Variants in PDZD2 observed in about 807,000 individuals in gnomAD.
The protein encoded by PDZD2 is PDZ domain-containing protein 2.
PDZD2 carries 90 observed loss-of-function variants against 220.7 expected under a neutral mutation model. The ratio of observed to expected loss-of-function variants is 0.41; its 90% CI spans 0.34 to 0.49. The LOEUF (loss-of-function observed/expected upper bound fraction) is 0.49, where lower values mean the gene tolerates loss of function less well. Among genes scored for constraint, PDZD2 ranks in the 20% least tolerant of loss-of-function variants. The pLI is 0.28. For missense variants in PDZD2, 3,174 were observed against 3,608.5 expected (o/e 0.88, Z 3.08); for synonymous variants, 1,375 against 1,450.5 (o/e 0.95, Z 1.18).
At chr5:31,666,304 G>T (rs1419552441) in intron 1 of PDZD2, among the ~76,000 whole-genome samples, 1 of 152,154 alleles carries the variant, frequency 6.6e-6, no homozygotes, top group African/African-American at 2.4e-5. Context: ...GCATCTTCCA[G>T]TTCCAACAGC....
chr5:31,889,756 C>T (rs1740840542), intron 2 of PDZD2, among the ~76,000 whole-genome samples: 1 of 152,058 alleles, frequency 6.6e-6, no homozygotes, highest in South Asian at 2.1e-4. Flanking sequence ...CAGTGGCTCA[C>T]GCTTGTAATC....
intron 23 of PDZD2, chr5:32,100,360 G>A (rs1029274548): frequency 1.8e-4 from 33 of 183,082 alleles, no homozygotes; most frequent in African/African-American, 5.9e-4. Context: ...CAACTCTGAC[G>A]TCCTTGGCTG....
At chr5:31,692,229 G>C (rs1220976468) in intron 1 of PDZD2, among the ~76,000 whole-genome samples, 1 of 152,200 alleles carries the variant, frequency 6.6e-6, no homozygotes, top group Non-Finnish European at 1.5e-5. Context: ...GCTTCTCACT[G>C]CCCGGGGCCG....
chr5:31,698,641 C>T (rs371923680), intron 1 of PDZD2, among the ~76,000 whole-genome samples: 2 of 151,840 alleles, frequency 1.3e-5, no homozygotes, highest in African/African-American at 2.4e-5. Context: ...GTGGAACCAG[C>T]GCTGAATGTC....
chr5:32,011,725 GC>G (rs1753337179), intron 6 of PDZD2, among the ~76,000 whole-genome samples: 1 of 152,032 alleles, frequency 6.6e-6, no homozygotes, highest in African/African-American at 2.4e-5. Flanking sequence ...TTAGAATAAG[GC>G]CTTAGAAGAT....
chr5:32,039,334 T>A (rs1190552149), intron 7 of PDZD2, among the ~76,000 whole-genome samples: 1 of 151,920 alleles, frequency 6.6e-6, no homozygotes, highest in Non-Finnish European at 1.5e-5. Context: ...CTCCAGCTCC[T>A]GGCCTCAGGT....
intron 2 of PDZD2, among the ~76,000 whole-genome samples, chr5:31,859,978 G>T (rs1737534972): frequency 6.6e-6 from 1 of 152,132 alleles, no homozygotes; most frequent in Non-Finnish European, 1.5e-5. Context: ...TCTGCTGTAG[G>T]ATTAGCTCAT....
At chr5:32,019,422 G>A (rs1245223410) in intron 6 of PDZD2, among the ~76,000 whole-genome samples, 1 of 152,206 alleles carries the variant, frequency 6.6e-6, no homozygotes, top group Non-Finnish European at 1.5e-5. Flanking sequence ...GGGATTGCAG[G>A]CGTGAGCCAC....
intron 2 of PDZD2, among the ~76,000 whole-genome samples, chr5:31,890,049 C>T (rs987685175): frequency 6.7e-6 from 1 of 150,212 alleles, no homozygotes; most frequent in Admixed American, 6.7e-5. Flanking sequence ...ACAAACACCC[C>T]CCCACCCCCA....
intron 2 of PDZD2, among the ~76,000 whole-genome samples, chr5:31,948,081 C>T (rs574524745): frequency 2.0e-5 from 3 of 152,220 alleles, no homozygotes; most frequent in Admixed American, 6.5e-5. Flanking sequence ...TTATTATAAC[C>T]CAATGAAAGG....
intron 1 of PDZD2, among the ~76,000 whole-genome samples, chr5:31,788,447 C>T (rs531086699): frequency 2.4e-4 from 36 of 152,226 alleles, no homozygotes; most frequent in African/African-American, 2.2e-4. Flanking sequence ...GGGCGGATCA[C>T]GAGTTCAGGA....
chr5:31,912,557 T>C (rs1743300137), intron 2 of PDZD2, among the ~76,000 whole-genome samples: 1 of 152,188 alleles, frequency 6.6e-6, no homozygotes, highest in African/African-American at 2.4e-5. Flanking sequence ...CTGAATTGAT[T>C]GACATTTCTG....
At chr5:31,968,797 G>A (rs752665261) in intron 2 of PDZD2, among the ~76,000 whole-genome samples, 1 of 152,188 alleles carries the variant, frequency 6.6e-6, no homozygotes, top group Non-Finnish European at 1.5e-5. Context: ...GCTGCACCTT[G>A]ATCTTGAACT....
chr5:31,689,411 T>C (rs1747028204), intron 1 of PDZD2, among the ~76,000 whole-genome samples: 1 of 137,728 alleles, frequency 7.3e-6, no homozygotes, highest in South Asian at 2.4e-4. Flanking sequence ...GCCAGGCTGG[T>C]CTCAAACTCC....
intron 2 of PDZD2, among the ~76,000 whole-genome samples, chr5:31,875,597 AAT>A (rs1226762142): frequency 0.011 from 1,516 of 141,406 alleles, 24 homozygotes; most frequent in African/African-American, 0.038. Context: ...AAAAAAAAAA[AAT>A]ATATATATAT....
At chr5:31,769,027 AACT>A (rs1450951056) in intron 1 of PDZD2, among the ~76,000 whole-genome samples, 1 of 152,228 alleles carries the variant, frequency 6.6e-6, no homozygotes, top group Non-Finnish European at 1.5e-5. Flanking sequence ...GAATGAACTG[AACT>A]ACTTAACAGC....
chr5:31,652,240 G>A (rs554234689), intron 1 of PDZD2, among the ~76,000 whole-genome samples: 9 of 151,932 alleles, frequency 5.9e-5, no homozygotes, highest in East Asian at 1.9e-4. Flanking sequence ...TGATCCTTCC[G>A]CCTTGGCTTC....
At chr5:31,680,080 C>T (rs906966152) in intron 1 of PDZD2, among the ~76,000 whole-genome samples, 12 of 152,158 alleles carry the variant, frequency 7.9e-5, no homozygotes, top group Non-Finnish European at 1.8e-4. Flanking sequence ...TATAATGCCT[C>T]GCATTCATGA....
chr5:31,692,155 TC>T (rs55656762), intron 1 of PDZD2, among the ~76,000 whole-genome samples: 33,827 of 152,154 alleles, frequency 0.22, 4,185 homozygotes, highest in African/African-American at 0.34. Context: ...CGAGCCCTGC[TC>T]GCGGGAAGGC....
Sources: gnomAD v4.1 joint callset for allele counts (sites outside exome capture counted in the v4.1 genomes callset) on GRCh38, gnomAD v4.1.1 for gene constraint, MANE v1.5 for transcripts, NCBI Gene and HGNC (gene_info 2026-07-23, HGNC 2026-07-21) for gene names.